The following PCDHGB1 variants were observed in gnomAD, a reference collection of about 807,000 sequenced individuals.
PCDHGB1 encodes the protein protocadherin gamma subfamily B, 1.
PCDHGB1 carries 34 observed loss-of-function variants against 56.6 expected under a neutral mutation model. The ratio of observed to expected loss-of-function variants is 0.60; its 90% CI spans 0.46 to 0.80. The LOEUF (loss-of-function observed/expected upper bound fraction) is 0.80. Ranked by LOEUF, PCDHGB1 falls within the 30% of genes least tolerant of loss-of-function variation. The pLI, the probability that PCDHGB1 is intolerant of heterozygous loss-of-function variation, is 0.00. For synonymous variants in PCDHGB1, 561 were observed against 505.9 expected (o/e 1.11, Z -1.46); for missense variants, 1,278 against 1,204.6 (o/e 1.06, Z -0.90).
chr5:141,491,861 C>A lies in PCDHGB1; in HGVS notation c.2410-2946C>A. ...GGATCATTGGACCGTTTGCGCGAAA[C>A]CAGAGTGGCCGATTAAGGGATGGGG... On this transcript the variant is annotated intron_variant, in intron 1 of 3. Transcript: ENST00000523390. The surrounding 1 kb of genome is among the most constrained non-coding windows in gnomAD (Gnocchi z 6.9). 6.9e-7 allele frequency: 1 copy of A among 1,455,272 alleles called. No homozygotes were observed. The highest frequency in any genetic ancestry group is 9.1e-7 in the Non-Finnish European group (1 of 1,100,930). The allele number at this position is 1,455,272 out of a possible 1,614,324, so 90.1% of individuals were successfully genotyped here.
In PCDHGB1 at chr5:141,431,788, T is replaced by G. The variant is rs775397713; in HGVS notation, c.2410-63019T>G. 1 of 1,614,190 alleles carries G rather than the reference T, an allele frequency of 6.2e-7. No homozygotes were observed. The highest frequency in any genetic ancestry group is 1.1e-5 in the South Asian group (1 of 91,080). ...TCACTGTTCTGGACGTGAACGACAA[T>G]GCCCCAGAAGTGGTCCTCACCTCTC... On this transcript the variant is annotated intron_variant, in intron 1 of 3. Coordinates refer to ENST00000523390, the MANE Select transcript of PCDHGB1 (RefSeq NM_018922.3). The surrounding 1 kb of genome is among the most constrained non-coding windows in gnomAD (Gnocchi z 4.8).
At chr5:141,387,602 G>A in intron 1 of PCDHGB1, 3 of 545,116 alleles carry the variant, frequency 5.5e-6, no homozygotes, top group Middle Eastern at 9.5e-4. Context: ...AGCAGCAGAG[G>A]CTGTAGTTTC....
At chr5:141,423,150 G>T in intron 1 of PCDHGB1, 1 of 1,613,538 alleles carries the variant, frequency 6.2e-7, no homozygotes, top group Non-Finnish European at 8.5e-7. Flanking sequence ...CGCTCAAGCA[G>T]AGCCTCGTGG....
rs552257647 is a variant in PCDHGB1 at position 141,389,615 on chromosome 5, G to T, written c.2409+36946G>T. The T allele has an allele frequency of 4.3e-6, 7 of 1,612,854 alleles. No homozygotes were observed. In the African/African-American group the frequency reaches 8.0e-5, roughly 18 times the overall value. On this transcript the variant is annotated intron_variant, in intron 1 of 3. Transcript: ENST00000523390. The stretch of plus-strand genomic sequence containing the variant: ...GCTCTGCGCTCTTCGATATGGTGCC[G>T]CACGCTGCAGAGCCTGGCTACTTGG...
At chr5:141,458,651 C>T (rs924873907) in intron 1 of PCDHGB1, among the ~76,000 whole-genome samples, 1 of 152,114 alleles carries the variant, frequency 6.6e-6, no homozygotes. Context: ...CTCACTGCAA[C>T]CTCCACCTCT....
chr5:141,384,478 G>A (rs1350381914), intron 1 of PCDHGB1: 4 of 1,614,104 alleles, frequency 2.5e-6, no homozygotes, highest in Non-Finnish European at 3.4e-6. Context: ...GCAGTTGAGA[G>A]AACTACAACT....
chr5:141,352,442 T>A lies in PCDHGB1; in HGVS notation c.2182T>A (p.Cys728Ser). 1.2e-6 allele frequency: 2 copies of A among 1,614,058 alleles called. No homozygotes were observed. The highest frequency in any genetic ancestry group is 8.5e-7 in the Non-Finnish European group (1 of 1,179,898). Residue 728 changes from cysteine to serine, a missense_variant, in exon 1 of 4, where the codon TGC becomes AGC. Transcript: ENST00000523390. ...TGAGGGCTGCTTTCAAACCGGTCTCTGCTCCAAGTCTGGGCCCGGGGTTCC... is the reference window on the plus strand; with the variant it reads ...TGAGGGCTGCTTTCAAACCGGTCTCAGCTCCAAGTCTGGGCCCGGGGTTCC... ...DTEGCFQTGL[C>S]SKSGPGVPPN...
intron 1 of PCDHGB1, among the ~76,000 whole-genome samples, chr5:141,406,290 G>A (rs2094788974): frequency 6.6e-6 from 1 of 151,998 alleles, no homozygotes; most frequent in Non-Finnish European, 1.5e-5. Flanking sequence ...AAAGCACTGG[G>A]TGAGGTGTGA....
intron 1 of PCDHGB1, among the ~76,000 whole-genome samples, chr5:141,381,798 CTCTTTCTT>C (rs372235829): frequency 6.9e-5 from 10 of 144,174 alleles, no homozygotes; most frequent in South Asian, 6.6e-4. Flanking sequence ...AGGCAATTCC[CTCTTTCTT>C]TCTTTCTTTC....
chr5:141,427,871 G>A (rs762885351), intron 1 of PCDHGB1: 1 of 1,559,530 alleles, frequency 6.4e-7, no homozygotes, highest in South Asian at 1.1e-5. Flanking sequence ...TCGAGCTCAC[G>A]ATGCAGGCCC....
At chr5:141,442,417 T>A (rs2098323611) in intron 1 of PCDHGB1, 1 of 152,152 alleles carries the variant, frequency 6.6e-6, no homozygotes, top group Non-Finnish European at 1.5e-5. Flanking sequence ...TGAGTGAACT[T>A]CTTTTTTGAA....
At chr5:141,366,777 G>T in intron 1 of PCDHGB1, 1 of 1,587,140 alleles carries the variant, frequency 6.3e-7, no homozygotes, top group South Asian at 1.1e-5. Flanking sequence ...CGGTAAGGAT[G>T]ACCAGAACAT....
Position 141,486,885 on chromosome 5 carries a change from G to A in PCDHGB1, c.2410-7922G>A, listed in dbSNP as rs139638334. On this transcript the variant is annotated intron_variant, in intron 1 of 3. Transcript: ENST00000523390. The surrounding 1 kb of genome is among the most constrained non-coding windows in gnomAD (Gnocchi z 5.0). ...CCAGCTGTGCTCCGTCCTCGGGCCC[G>A]GCCTGGTTCCTTATGTCCCCAAGCA... is the stretch of plus-strand genomic sequence containing the variant. 16 of 1,614,076 alleles carry A rather than the reference G, an allele frequency of 9.9e-6. No individual in the cohort carries two copies. The highest frequency in any genetic ancestry group is 1.6e-4 in the Middle Eastern group (1 of 6,084).
chr5:141,383,833 A>T (rs1264167021), intron 1 of PCDHGB1: 2 of 1,613,926 alleles, frequency 1.2e-6, no homozygotes, highest in Non-Finnish European at 1.7e-6. Flanking sequence ...TTATGAAGAA[A>T]CTGCCTTCTA....
At chr5:141,377,760 A>T (rs991785557) in intron 1 of PCDHGB1, 3 of 152,200 alleles carry the variant, frequency 2.0e-5, no homozygotes, top group South Asian at 4.1e-4. Context: ...GGGACACCAG[A>T]TCTTTGGTGT....
intron 1 of PCDHGB1, chr5:141,371,778 G>A (rs1305768606): frequency 6.2e-7 from 1 of 1,614,002 alleles, no homozygotes; most frequent in Non-Finnish European, 8.5e-7. Context: ...CGTGCATGTA[G>A]CTGAGAACAA....
At chr5:141,394,199 A>T (rs1353569032) in intron 1 of PCDHGB1, 1 of 1,613,840 alleles carries the variant, frequency 6.2e-7, no homozygotes, top group Non-Finnish European at 8.5e-7. Context: ...CGTATATCCT[A>T]GAGAACAACC....
chr5:141,399,491 T>A, intron 1 of PCDHGB1: 1 of 1,614,022 alleles, frequency 6.2e-7, no homozygotes, highest in African/African-American at 1.3e-5. Flanking sequence ...TCCTACTTAG[T>A]CAGTGTACCC....
chr5:141,374,893 TGAA>T, intron 1 of PCDHGB1: 1 of 1,613,834 alleles, frequency 6.2e-7, no homozygotes, highest in Non-Finnish European at 8.5e-7. Context: ...CCGACCAGGA[TGAA>T]GGAGTCCACG....
Sources: gnomAD v4.1 joint callset for allele counts (sites outside exome capture counted in the v4.1 genomes callset) on GRCh38, gnomAD v4.1.1 for gene constraint, Gnocchi (gnomAD v3.1) non-coding constraint, MANE v1.5 for transcripts, NCBI Gene and HGNC (gene_info 2026-07-23, HGNC 2026-07-21) for gene names.